GRIA4: variants seen among roughly 807,000 people sequenced by gnomAD.
The protein encoded by GRIA4 is glutamate receptor 4.
GRIA4 carries 34 observed loss-of-function variants against 104.0 expected under a neutral mutation model. The ratio of observed to expected loss-of-function variants is 0.33; its 90% confidence interval spans 0.25 to 0.44. The LOEUF (loss-of-function observed/expected upper bound fraction) is 0.44. Among genes scored for constraint, GRIA4 ranks in the 20% least tolerant of loss-of-function variants. GRIA4 has a pLI of 1.00. For missense variants in GRIA4, 750 were observed against 1,096.5 expected, an observed-to-expected ratio of 0.68 and a Z score of 4.46; for synonymous variants, 386 against 381.9, an observed-to-expected ratio of 1.01 and a Z score of -0.13.
intron 13 of GRIA4, among the ~76,000 whole-genome samples, chr11:105,927,656 T>A (rs1947748019): frequency 6.6e-6 from 1 of 152,082 alleles, no homozygotes; most frequent in Non-Finnish European, 1.5e-5. Context: ...TAGAGGTTTT[T>A]ATTTTAGTTT....
At chr11:105,651,559 C>G (rs1381629234) in intron 3 of GRIA4, among the ~76,000 whole-genome samples, 1 of 152,038 alleles carries the variant, frequency 6.6e-6, no homozygotes, top group African/African-American at 2.4e-5. Flanking sequence ...CTGGGTTATG[C>G]CTGAACTGTT....
rs1473686751 is a variant in GRIA4, at chr11:105,795,741, AAT to A, written c.487+42523_487+42524del. Among the ~76,000 whole-genome samples, 6 of 152,258 alleles carry A rather than the reference AAT, an allele frequency of 3.9e-5. No homozygotes were observed. In the East Asian group the frequency reaches 1.2e-3, roughly 29 times the overall value. On this transcript the variant is annotated intron_variant, in intron 4 of 16. Coordinates refer to ENST00000282499, the MANE Select transcript of GRIA4 (RefSeq NM_000829.4). The stretch of plus-strand genomic sequence containing the variant: ...CAGAGATCTTCATTCTTTTTAGAAA[AAT>A]AGAAAAATGAAGAAAATCAACATGG...
intron 11 of GRIA4, among the ~76,000 whole-genome samples, chr11:105,919,777 C>G (rs1293195832): frequency 6.6e-6 from 1 of 152,140 alleles, no homozygotes; most frequent in African/African-American, 2.4e-5. Flanking sequence ...AAACTCTATT[C>G]ATCGAGTAAC....
At chr11:105,698,245 C>T (rs569156026) in intron 3 of GRIA4, among the ~76,000 whole-genome samples, 17 of 152,084 alleles carry the variant, frequency 1.1e-4, no homozygotes, top group African/African-American at 2.4e-4. Context: ...ATGTCTATAA[C>T]GGAAAAGTGT....
At chr11:105,639,502 T>G (rs533644045) in intron 3 of GRIA4, among the ~76,000 whole-genome samples, 1 of 152,040 alleles carries the variant, frequency 6.6e-6, no homozygotes, top group South Asian at 2.1e-4. Flanking sequence ...GAAATAATAT[T>G]AAATGAAAAA....
chr11:105,916,750 T>C (rs890348198), intron 10 of GRIA4, among the ~76,000 whole-genome samples: 3 of 152,216 alleles, frequency 2.0e-5, no homozygotes, highest in African/African-American at 7.2e-5. Context: ...AAAATTCATG[T>C]GTTCAGATAT....
chr11:105,640,169 A>C (rs1951319202), intron 3 of GRIA4, among the ~76,000 whole-genome samples: 1 of 151,958 alleles, frequency 6.6e-6, no homozygotes, highest in Admixed American at 6.6e-5. Flanking sequence ...ACATTCAGAA[A>C]AGGAAAATAA....
rs770631813 is a variant in GRIA4 at position 105,633,163 on chromosome 11, G to A, written c.247+20729G>A. ...CTCACTAACGACTCAATGAATTAGTGCCATTTGAAAAGATGAATTTATTAT... is the reference window on the plus strand; with the variant it reads ...CTCACTAACGACTCAATGAATTAGTACCATTTGAAAAGATGAATTTATTAT... On this transcript the variant is annotated intron_variant, in intron 3 of 16. Transcript: ENST00000282499. 8.3e-4 allele frequency among the ~76,000 whole-genome samples: 126 copies of A among 152,144 alleles called. 3 individuals are homozygous for A. Among genetic ancestry groups the A allele is most frequent in the Non-Finnish European group, 3.4e-4 (23 of 68,018 alleles).
intron 6 of GRIA4, among the ~76,000 whole-genome samples, chr11:105,889,664 T>G (rs1475919309): frequency 6.6e-6 from 1 of 152,170 alleles, no homozygotes; most frequent in Non-Finnish European, 1.5e-5. Flanking sequence ...GAGTGTCCTC[T>G]CTCACCACTT....
At chr11:105,804,280 C>T (rs1011328009) in intron 4 of GRIA4, among the ~76,000 whole-genome samples, 5 of 151,402 alleles carry the variant, frequency 3.3e-5, no homozygotes, top group African/African-American at 4.8e-5. Flanking sequence ...TTTTGTTTTC[C>T]GTAATAAATA....
At chr11:105,801,179 A>T (rs1397609462) in intron 4 of GRIA4, among the ~76,000 whole-genome samples, 1 of 151,592 alleles carries the variant, frequency 6.6e-6, no homozygotes, top group Non-Finnish European at 1.5e-5. Context: ...CTCAGAGAGA[A>T]AAAAGGAAGA....
intron 4 of GRIA4, among the ~76,000 whole-genome samples, chr11:105,808,583 G>A (rs1005161161): frequency 2.0e-5 from 3 of 152,014 alleles, no homozygotes; most frequent in African/African-American, 7.2e-5. Context: ...TTTCCCAAAA[G>A]TTGTAAAATC....
At chr11:105,866,551 G>GTGTATATATATATATATA (rs1299256765) in intron 5 of GRIA4, among the ~76,000 whole-genome samples, 49 of 76,690 alleles carry the variant, frequency 6.4e-4, no homozygotes, top group East Asian at 2.8e-3. Flanking sequence ...GTGTGTGTGT[G>GTGTATATATATATATATA]TATATATATA....
At chr11:105,870,636 G>C (rs1419907289) in intron 5 of GRIA4, among the ~76,000 whole-genome samples, 1 of 151,996 alleles carries the variant, frequency 6.6e-6, no homozygotes, top group Non-Finnish European at 1.5e-5. Flanking sequence ...AAGGAAGATG[G>C]CATGTGTGAG....
At chr11:105,880,504 G>T (rs377090068) in intron 5 of GRIA4, among the ~76,000 whole-genome samples, 1 of 152,052 alleles carries the variant, frequency 6.6e-6, no homozygotes, top group Admixed American at 6.6e-5. Flanking sequence ...TCTCTTGTAG[G>T]GCACTCAGTT....
intron 3 of GRIA4, among the ~76,000 whole-genome samples, chr11:105,683,355 A>T (rs1952770186): frequency 6.6e-6 from 1 of 151,888 alleles, no homozygotes; most frequent in Admixed American, 6.6e-5. Context: ...AGCAGTAAAT[A>T]CCTAGTACTT....
At chr11:105,811,884 T>C (rs941421252) in intron 4 of GRIA4, among the ~76,000 whole-genome samples, 1 of 152,152 alleles carries the variant, frequency 6.6e-6, no homozygotes, top group African/African-American at 2.4e-5. Flanking sequence ...TTCTCTGGGC[T>C]CGAATTCACA....
chr11:105,618,190 G>T (rs1235617892), intron 3 of GRIA4, among the ~76,000 whole-genome samples: 1 of 151,826 alleles, frequency 6.6e-6, no homozygotes, highest in Non-Finnish European at 1.5e-5. Context: ...GATCTCAGAG[G>T]TTATGTAGCT....
intron 4 of GRIA4, among the ~76,000 whole-genome samples, chr11:105,837,380 G>C (rs898440169): frequency 6.6e-6 from 1 of 152,072 alleles, no homozygotes; most frequent in Non-Finnish European, 1.5e-5. Flanking sequence ...GTCTTTACAT[G>C]CTGGATCCAA....
Sources: gnomAD v4.1 joint callset for allele counts (sites outside exome capture counted in the v4.1 genomes callset) on GRCh38, gnomAD v4.1.1 for gene constraint, MANE v1.5 for transcripts, NCBI Gene and HGNC (gene_info 2026-07-23, HGNC 2026-07-21) for gene names.